The following PAK2 variants were observed in gnomAD, a reference collection of about 807,000 sequenced individuals.
The protein encoded by PAK2 is serine/threonine-protein kinase PAK 2.
Under a neutral mutation model 65.9 loss-of-function variants are expected in PAK2, and 21 were observed. The observed-to-expected ratio is 0.32, with a 90% confidence interval of 0.23 to 0.46. PAK2 has a LOEUF of 0.46. Ranked by LOEUF, PAK2 falls within the 20% of genes least tolerant of loss-of-function variation. The pLI is 1.00. For missense variants in PAK2, 324 were observed against 642.6 expected, an observed-to-expected ratio of 0.50 and a Z score of 5.36; for synonymous variants, 204 against 219.7, an observed-to-expected ratio of 0.93 and a Z score of 0.63.
At chr3:196,753,856 A>G (rs1465461420) in intron 1 of PAK2, among the ~76,000 whole-genome samples, 1 of 152,156 alleles carries the variant, frequency 6.6e-6, no homozygotes, top group East Asian at 1.9e-4. Flanking sequence ...CTGAAACATT[A>G]GTTCCTTATG....
chr3:196,769,153 C>T (rs1232845346), intron 1 of PAK2, among the ~76,000 whole-genome samples: 2 of 151,698 alleles, frequency 1.3e-5, no homozygotes, highest in African/African-American at 4.9e-5. Flanking sequence ...ATAGGGAGGC[C>T]CTTTCTCTAC....
chr3:196,825,559 C>T (rs746836829), intron 13 of PAK2, among the ~76,000 whole-genome samples: 11 of 152,108 alleles, frequency 7.2e-5, no homozygotes, highest in Non-Finnish European at 1.5e-4. Flanking sequence ...AGGAGAATCG[C>T]TTGAACTCAG....
chr3:196,816,284 A>G (rs189327140), intron 11 of PAK2, among the ~76,000 whole-genome samples: 11 of 152,266 alleles, frequency 7.2e-5, no homozygotes, highest in Non-Finnish European at 1.6e-4. Context: ...AAATATTAAA[A>G]TTTTAATTCT....
intron 1 of PAK2, among the ~76,000 whole-genome samples, chr3:196,779,282 A>C (rs9325377): frequency 6.6e-6 from 1 of 151,970 alleles, no homozygotes; most frequent in African/African-American, 2.4e-5. Context: ...AATTTGCTCA[A>C]ATCATCCCAG....
At chr3:196,799,551 G>A (rs189321037) in intron 2 of PAK2, among the ~76,000 whole-genome samples, 100 of 152,284 alleles carry the variant, frequency 6.6e-4, no homozygotes, top group African/African-American at 2.4e-3. Flanking sequence ...GCAATGTGAT[G>A]CCTTCGGCTA....
intron 1 of PAK2, among the ~76,000 whole-genome samples, chr3:196,761,527 A>G (rs1351913924): frequency 0.011 from 1,189 of 103,796 alleles, 14 homozygotes; most frequent in African/African-American, 0.042. Context: ...TTAGTGCAGA[A>G]CAAAATGAAA....
At position 196,820,980 on chromosome 3, in the gene PAK2, T is replaced by C; in HGVS notation, c.1350+413T>C. 6.6e-6 allele frequency among the ~76,000 whole-genome samples: 1 copy of C among 152,084 alleles called. No homozygotes were observed. Among genetic ancestry groups the C allele is most frequent in the Non-Finnish European group, 1.5e-5 (1 of 68,024 alleles). ...TCAGCCTCCTGAGTAGCTGGGACTA[T>C]GGGTGCGTGCCACCACACCCAGCTG... On this transcript the variant is annotated intron_variant, in intron 13 of 14. Transcript: ENST00000327134. The surrounding 1 kb of genome is among the most constrained non-coding windows in gnomAD (Gnocchi z 4.6).
At chr3:196,817,453 C>T (rs13100811) in intron 11 of PAK2, among the ~76,000 whole-genome samples, 41,137 of 151,802 alleles carry the variant, frequency 0.27, 5,660 homozygotes, top group South Asian at 0.35. Context: ...CAGGTTCAAG[C>T]GATTCTGCTA....
intron 3 of PAK2, among the ~76,000 whole-genome samples, chr3:196,802,760 C>T (rs796433650): frequency 2.0e-5 from 3 of 152,212 alleles, no homozygotes; most frequent in African/African-American, 7.2e-5. Context: ...AGGAGAATGG[C>T]CTGAACCCGG....
chr3:196,823,894 C>T (rs1320819178), intron 13 of PAK2, among the ~76,000 whole-genome samples: 1 of 151,818 alleles, frequency 6.6e-6, no homozygotes, highest in African/African-American at 2.4e-5. Flanking sequence ...AAAAAGGCAG[C>T]CTGGATGAGG....
chr3:196,792,924 C>T (rs1715120347), intron 2 of PAK2, among the ~76,000 whole-genome samples: 1 of 152,118 alleles, frequency 6.6e-6, no homozygotes, highest in Admixed American at 6.6e-5. Flanking sequence ...GCACCTGACT[C>T]AGCAGGACAG....
intron 1 of PAK2, among the ~76,000 whole-genome samples, chr3:196,777,313 C>T (rs1312728133): frequency 2.6e-5 from 4 of 152,144 alleles, no homozygotes; most frequent in Admixed American, 6.6e-5. Context: ...AAGCTATTCT[C>T]CTGCCTCAGC....
At chr3:196,807,453 A>G (rs905474425) in intron 6 of PAK2, among the ~76,000 whole-genome samples, 1 of 152,192 alleles carries the variant, frequency 6.6e-6, no homozygotes, top group Non-Finnish European at 1.5e-5. Flanking sequence ...TTTACTTACC[A>G]TTTGTAGTAA....
intron 1 of PAK2, among the ~76,000 whole-genome samples, chr3:196,763,771 C>T (rs1398351362): frequency 6.6e-6 from 1 of 151,794 alleles, no homozygotes; most frequent in Admixed American, 6.6e-5. Context: ...GCACTCAGAT[C>T]ACTGTCTACA....
intron 4 of PAK2, among the ~76,000 whole-genome samples, chr3:196,804,989 G>A (rs113717654): frequency 0.015 from 2,256 of 151,950 alleles, 60 homozygotes; most frequent in African/African-American, 0.052. Context: ...GCAGTTTTCT[G>A]GAGAAAGTAT....
chr3:196,751,882 A>G (rs1713614954), intron 1 of PAK2, among the ~76,000 whole-genome samples: 1 of 149,448 alleles, frequency 6.7e-6, no homozygotes. Flanking sequence ...AGCTGGGATT[A>G]CAGGCGCATG....
intron 1 of PAK2, among the ~76,000 whole-genome samples, chr3:196,752,672 T>C (rs1713641987): frequency 1.3e-5 from 2 of 151,806 alleles, no homozygotes; most frequent in Non-Finnish European, 2.9e-5. Flanking sequence ...CAATCTCAGC[T>C]CACTGCAAGC....
chr3:196,792,202 T>C (rs922017979), intron 2 of PAK2, among the ~76,000 whole-genome samples: 1 of 152,202 alleles, frequency 6.6e-6, no homozygotes, highest in African/African-American at 2.4e-5. Context: ...AGTAGGATGC[T>C]GAGCAGATTT....
chr3:196,747,034 T>G (rs1276536024), intron 1 of PAK2, among the ~76,000 whole-genome samples: 1 of 152,120 alleles, frequency 6.6e-6, no homozygotes, highest in Non-Finnish European at 1.5e-5. Context: ...TTCACTATTT[T>G]TCTGAATTTG....
Sources: allele counts gnomAD v4.1 joint callset (sites outside exome capture counted in the v4.1 genomes callset), GRCh38; gene constraint gnomAD v4.1.1; non-coding constraint Gnocchi (gnomAD v3.1); transcripts MANE v1.5; gene names NCBI Gene and HGNC (gene_info 2026-07-23, HGNC 2026-07-21).